EZR: variants seen among roughly 807,000 people sequenced by gnomAD.
The protein encoded by EZR is cytovillin 2.
EZR carries 40 observed loss-of-function variants against 74.8 expected under a neutral mutation model. The ratio of observed to expected loss-of-function variants is 0.53; its 90% CI spans 0.42 to 0.70. EZR has a LOEUF of 0.70. Ranked by LOEUF, EZR falls within the 30% of genes least tolerant of loss-of-function variation. The pLI is 0.00. For missense variants in EZR, 678 were observed against 755.8 expected, an observed-to-expected ratio of 0.90 and a Z score of 1.21; for synonymous variants, 341 against 283.3, an observed-to-expected ratio of 1.20 and a Z score of -2.05.
At chr6:158,779,767 G>A (rs1441780687) in intron 7 of EZR, among the ~76,000 whole-genome samples, 1 of 152,078 alleles carries the variant, frequency 6.6e-6, no homozygotes, top group Non-Finnish European at 1.5e-5. Context: ...GTTTTGCCAT[G>A]TTGGCAAAGA....
rs1790809985 is a variant in EZR, at chr6:158,766,249, C to G, written c.*665G>C. On this transcript the variant is annotated 3_prime_UTR_variant, in exon 14 of 14. Transcript: ENST00000367075. Reference sequence around the variant, plus strand: ...TCACTTGTATATAAATAGTATATAGCTGATCATTAATAAGGTGTATAAGTA... The same window carrying G: ...TCACTTGTATATAAATAGTATATAGGTGATCATTAATAAGGTGTATAAGTA... 6.6e-6 allele frequency: 1 copy of G among 150,952 alleles called. No individual in the cohort carries two copies. The highest frequency in any genetic ancestry group is 1.5e-5 in the Non-Finnish European group (1 of 67,898). 9.4% of individuals were successfully genotyped at this position (150,952 alleles called of 1,614,324 possible).
intron 2 of EZR, among the ~76,000 whole-genome samples, chr6:158,803,592 T>C (rs1262519521): frequency 1.6e-3 from 22 of 13,614 alleles, no homozygotes; most frequent in South Asian, 7.5e-3. Flanking sequence ...CATATATATA[T>C]ATATATATAT....
At chr6:158,769,296 C>T (rs372926013) in intron 12 of EZR, 30 bp downstream of exon 12, 26 of 1,595,852 alleles carry the variant, frequency 1.6e-5, no homozygotes, top group South Asian at 8.8e-5. Context: ...GTGCTGTGGC[C>T]GTGCGGAGGT....
At chr6:158,789,550 G>A in intron 2 of EZR, 179 bp from the exon 3 acceptor site, 3 of 750,258 alleles carry the variant, frequency 4.0e-6, no homozygotes, top group Non-Finnish European at 4.9e-6. Context: ...GGATGTCTCA[G>A]GAGGCACACA....
At position 158,765,929 on chromosome 6, in the gene EZR, A is replaced by AAG. The variant is rs1296178066; in HGVS notation, c.*984_*985insCT. On this transcript the variant is annotated 3_prime_UTR_variant, in exon 14 of 14. Transcript: ENST00000367075. ...AGAGAGAGACTGCAAACAAACAAACACAAGCAAACAGAGTCTCTTCACAGC... is the reference window on the plus strand; with the variant it reads ...AGAGAGAGACTGCAAACAAACAAACAAGCAAGCAAACAGAGTCTCTTCACAGC... The AAG allele has an allele frequency of 1.4e-5, 2 of 144,732 alleles. No homozygotes were observed. The highest frequency in any genetic ancestry group is 5.0e-5 in the African/African-American group (2 of 39,734). 9.0% of individuals were successfully genotyped at this position (144,732 alleles called of 1,614,324 possible).
At chr6:158,803,947 T>C (rs189669722) in intron 2 of EZR, among the ~76,000 whole-genome samples, 4 of 151,424 alleles carry the variant, frequency 2.6e-5, no homozygotes, top group African/African-American at 9.8e-5. Flanking sequence ...TAAAACCAGG[T>C]TGGGAAGAGT....
At chr6:158,783,437 A>T (rs1444025690) in intron 7 of EZR, 83 bp downstream of exon 7, 1 of 1,335,112 alleles carries the variant, frequency 7.5e-7, no homozygotes. Flanking sequence ...ATACTTCAAA[A>T]ATAACCCACA....
In EZR at chr6:158,792,242, T is replaced by A. The variant is rs1435349927; in HGVS notation, c.13-2871A>T. 2.0e-5 allele frequency among the ~76,000 whole-genome samples: 3 copies of A among 150,364 alleles called. No individual in the cohort carries two copies. The East Asian group carries it at 5.9e-4, about 30-fold the overall frequency. On this transcript the variant is annotated intron_variant, in intron 2 of 13. Coordinates refer to ENST00000367075, the MANE Select transcript of EZR (RefSeq NM_001111077.2). ...CTTGTTTTCTTTTTTTGAGATGGAG[T>A]CTCCTCTGTCGCCCAGGTTGGAGTG...
At chr6:158,797,856 C>T (rs1024163471) in intron 2 of EZR, among the ~76,000 whole-genome samples, 1 of 152,022 alleles carries the variant, frequency 6.6e-6, no homozygotes, top group East Asian at 1.9e-4. Context: ...TAAAATTTAC[C>T]CATGGAAAAT....
In EZR at chr6:158,789,390, C is replaced by G. The variant is rs377058574; in HGVS notation, c.13-19G>C. The G allele has an allele frequency of 9.3e-6, 15 of 1,604,508 alleles. No homozygotes were observed. The African/African-American group carries it at 1.7e-4, about 19-fold the overall frequency. On this transcript the variant is annotated intron_variant, in intron 2 of 13. Transcript: ENST00000367075. ...CATTGATCTGAAAAACAGAATGAAA[C>G]AAATTACGCTTAACTGAGTATTCTT...
chr6:158,769,934 C>G lies in EZR; in HGVS notation c.1101G>C (p.Glu367Asp), dbSNP rs1791046605. Residue 367 changes from glutamate (E) to aspartate (D), a missense_variant, in exon 11 of 14, where the codon GAG becomes GAC. Coordinates refer to ENST00000367075, the MANE Select transcript of EZR (RefSeq NM_001111077.2). ...CCAGCTGCAGGGCCCTCTGAATCTG[C>G]TCCGAGAGCTCTGCAAAGACACAAA... ...KTKKAERELS[E>D]QIQRALQLEE... 1 of 1,610,628 alleles carries G rather than the reference C, an allele frequency of 6.2e-7. No individual in the cohort carries two copies. The highest frequency in any genetic ancestry group is 8.5e-7 in the Non-Finnish European group (1 of 1,180,000).
At position 158,766,864 on chromosome 6, in the gene EZR, T is replaced by G. The variant is rs950959151; in HGVS notation, c.*50A>C. The G allele has an allele frequency of 1.3e-6, 2 of 1,557,888 alleles. No individual in the cohort carries two copies. The highest frequency in any genetic ancestry group is 1.8e-6 in the Non-Finnish European group (2 of 1,138,360). On this transcript the variant is annotated 3_prime_UTR_variant, in exon 14 of 14. Transcript: ENST00000367075. ...ACTAAAGACACAAGCGTGGCGGGGCTGGCAGCGCCCGCTATGAGCACCCCT... is the reference window on the plus strand; with the variant it reads ...ACTAAAGACACAAGCGTGGCGGGGCGGGCAGCGCCCGCTATGAGCACCCCT...
chr6:158,810,454 A>G (rs1007728246), intron 2 of EZR, among the ~76,000 whole-genome samples: 2 of 152,226 alleles, frequency 1.3e-5, no homozygotes, highest in Non-Finnish European at 2.9e-5. Context: ...AATTGCTTAC[A>G]TATCTGCTTT....
At chr6:158,787,697 C>A (rs1359504746) in intron 3 of EZR, among the ~76,000 whole-genome samples, 2 of 152,202 alleles carry the variant, frequency 1.3e-5, no homozygotes, top group African/African-American at 2.4e-5. Flanking sequence ...AGGGGTCTGA[C>A]TTACTAGGAA....
intron 2 of EZR, among the ~76,000 whole-genome samples, chr6:158,811,729 A>AGT (rs1777454213): frequency 6.6e-6 from 1 of 152,030 alleles, no homozygotes; most frequent in African/African-American, 2.4e-5. Context: ...TGGGTGTGGT[A>AGT]GTGTGTGCCT....
intron 2 of EZR, among the ~76,000 whole-genome samples, chr6:158,792,269 A>G (rs1423187312): frequency 1.7e-5 from 2 of 117,610 alleles, no homozygotes; most frequent in African/African-American, 5.8e-5. Flanking sequence ...GTTGGAGTGC[A>G]GTGGCATCAT....
At chr6:158,806,480 CTTTTT>C (rs10706390) in intron 2 of EZR, among the ~76,000 whole-genome samples, 21 of 141,228 alleles carry the variant, frequency 1.5e-4, no homozygotes, top group African/African-American at 5.4e-4. Flanking sequence ...ACCACTTTCA[CTTTTT>C]TTTTTTTTTG....
intron 2 of EZR, among the ~76,000 whole-genome samples, chr6:158,805,601 A>T (rs1446932641): frequency 6.6e-6 from 1 of 152,168 alleles, no homozygotes; most frequent in Non-Finnish European, 1.5e-5. Context: ...AGCTTCTTTT[A>T]AAAAATCCAA....
rs1777608933 is a variant in EZR, at chr6:158,818,318, G to A, written c.-73-152C>T. 2.4e-5 allele frequency: 7 copies of A among 290,834 alleles called. No individual in the cohort carries two copies. The East Asian group carries it at 3.9e-4, about 16-fold the overall frequency. The allele number at this position is 290,834 out of a possible 1,614,324, so 18.0% of individuals were successfully genotyped here. A position where few individuals can be genotyped will look rare whatever the true frequency, so the allele number is the denominator to read the frequency against. ...CGCCCCGCCCAGCACTGCGGGCATG[G>A]GGAGGGGGCACGGGCGGGGCGGGGC... On this transcript the variant is annotated intron_variant, in intron 1 of 13. Coordinates refer to ENST00000367075, the MANE Select transcript of EZR (RefSeq NM_001111077.2).
Sources: allele counts gnomAD v4.1 joint callset (sites outside exome capture counted in the v4.1 genomes callset), GRCh38; gene constraint gnomAD v4.1.1; transcripts MANE v1.5; gene names NCBI Gene and HGNC (gene_info 2026-07-23, HGNC 2026-07-21).